UGT8: variants seen among roughly 807,000 people sequenced by gnomAD.
UGT8 encodes the protein 2-hydroxyacylsphingosine 1-beta-galactosyltransferase.
Under a neutral mutation model 40.5 loss-of-function variants are expected in UGT8, and 12 were observed. The observed-to-expected ratio is 0.30, with a 90% CI of 0.19 to 0.48. The LOEUF (loss-of-function observed/expected upper bound fraction) is 0.48. Ranked by LOEUF, UGT8 falls within the 20% of genes least tolerant of loss-of-function variation. The probability of loss-of-function intolerance (pLI) is 0.99; values close to 1 mark genes in which losing one functional copy is unlikely to be tolerated. For synonymous variants in UGT8, 224 were observed against 240.4 expected, an observed-to-expected ratio of 0.93 and a Z score of 0.63; for missense variants, 513 against 648.7, an observed-to-expected ratio of 0.79 and a Z score of 2.27.
At chr4:114,600,385 C>G (rs551966923) in intron 1 of UGT8, among the ~76,000 whole-genome samples, 16 of 152,244 alleles carry the variant, frequency 1.1e-4, no homozygotes, top group African/African-American at 3.6e-4. Context: ...AAATTGTTAT[C>G]ATTTCTGATA....
intron 1 of UGT8, among the ~76,000 whole-genome samples, chr4:114,615,988 T>C (rs1731399454): frequency 1.3e-5 from 2 of 152,166 alleles, no homozygotes; most frequent in South Asian, 4.1e-4. Flanking sequence ...TACCTGGCCA[T>C]GTGAGGTGTC....
At chr4:114,627,575 A>T (rs951624473) in intron 2 of UGT8, among the ~76,000 whole-genome samples, 2 of 152,124 alleles carry the variant, frequency 1.3e-5, no homozygotes, top group African/African-American at 4.8e-5. Context: ...TCCTTTAAAT[A>T]TTAAATGTGA....
Position 114,668,305 on chromosome 4 carries a change from G to A in UGT8, c.1262+1G>A. ...TAGTGAAGGTTATCAATAATCCCAG[G>A]TAAGGTTTCAATTAACATTAAAGCT... On this transcript the variant is annotated splice_donor_variant, in intron 5 of 5. Coordinates refer to ENST00000310836, the MANE Select transcript of UGT8 (RefSeq NM_001128174.3). LOFTEE classifies it high-confidence loss of function. 1 of 1,613,042 alleles carries A rather than the reference G, an allele frequency of 6.2e-7. No individual in the cohort carries two copies.
At position 114,625,449 on chromosome 4, in the gene UGT8, C is replaced by T. The variant is rs146674505; in HGVS notation, c.822+1747C>T. On this transcript the variant is annotated intron_variant, in intron 2 of 5. Transcript: ENST00000310836. ...TCACTTGAGTTCAGGAGGTCGAGGC[C>T]GCAGTGAGCTGAGATCACACCACTA... Among the ~76,000 whole-genome samples the T allele has an allele frequency of 7.0e-3, 1,023 of 145,654 alleles. 13 individuals carry two copies. The highest frequency in any genetic ancestry group is 0.022 in the African/African-American group (862 of 39,284).
intron 2 of UGT8, among the ~76,000 whole-genome samples, chr4:114,651,984 A>C (rs1733919206): frequency 6.6e-6 from 1 of 152,022 alleles, no homozygotes; most frequent in Admixed American, 6.6e-5. Flanking sequence ...AATTAAAGGA[A>C]TTTATAGTCT....
At chr4:114,624,685 C>T (rs1211755670) in intron 2 of UGT8, among the ~76,000 whole-genome samples, 1 of 152,138 alleles carries the variant, frequency 6.6e-6, no homozygotes. Context: ...AGGACAATCA[C>T]ATGGCTGAAT....
At chr4:114,608,461 G>A (rs1730859965) in intron 1 of UGT8, among the ~76,000 whole-genome samples, 2 of 151,994 alleles carry the variant, frequency 1.3e-5, no homozygotes, top group Admixed American at 6.6e-5. Flanking sequence ...TTTTCTATAC[G>A]TATTTTGATT....
chr4:114,661,063 G>C (rs1734502032), intron 2 of UGT8, among the ~76,000 whole-genome samples: 1 of 151,764 alleles, frequency 6.6e-6, no homozygotes, highest in Non-Finnish European at 1.5e-5. Flanking sequence ...TTGTCCTTTA[G>C]AAAAGTTTTC....
At chr4:114,621,453 C>A (rs1483183955) in intron 1 of UGT8, among the ~76,000 whole-genome samples, 2 of 152,112 alleles carry the variant, frequency 1.3e-5, no homozygotes, top group Non-Finnish European at 2.9e-5. Flanking sequence ...CATTTTTCCT[C>A]TGGAAAAAAG....
At chr4:114,645,368 T>C (rs1376706738) in intron 2 of UGT8, among the ~76,000 whole-genome samples, 1 of 152,162 alleles carries the variant, frequency 6.6e-6, no homozygotes, top group African/African-American at 2.4e-5. Flanking sequence ...GACAACCCCA[T>C]TTTCCTTATC....
intron 3 of UGT8, among the ~76,000 whole-genome samples, chr4:114,665,087 T>G (rs1292130771): frequency 6.6e-6 from 1 of 152,240 alleles, no homozygotes; most frequent in East Asian, 1.9e-4. Context: ...TTATGTCTAT[T>G]CCATTCAGAC....
chr4:114,632,975 A>T (rs1314480263), intron 2 of UGT8, among the ~76,000 whole-genome samples: 1 of 152,252 alleles, frequency 6.6e-6, no homozygotes, highest in Non-Finnish European at 1.5e-5. Context: ...CTTGGGGCTA[A>T]CTAAATTCCT....
At chr4:114,641,295 C>T (rs538665970) in intron 2 of UGT8, among the ~76,000 whole-genome samples, 6 of 152,168 alleles carry the variant, frequency 3.9e-5, no homozygotes, top group South Asian at 2.1e-4. Context: ...CCCTTTCATC[C>T]GTGGGAGAAA....
At chr4:114,675,817 A>G in intron 5 of UGT8, 108 bp from the exon 6 acceptor site, 1 of 1,348,780 alleles carries the variant, frequency 7.4e-7, no homozygotes, top group Non-Finnish European at 9.9e-7. Context: ...CAAGGTACTT[A>G]CTAAAGAATA....
At chr4:114,667,866 C>T (rs1036648351) in intron 4 of UGT8, 31 of 879,538 alleles carry the variant, frequency 3.5e-5, no homozygotes, top group African/African-American at 1.1e-4. Flanking sequence ...ATTTCAACTA[C>T]TTAAAAATGG....
rs145459702 is a variant in UGT8 at position 114,623,183 on chromosome 4, C to T, written c.303C>T (p.Ile101=). ...RNIFSGRLTA[I]ELFDILDHYT... ...TTTTCTCTGGGAGATTGACAGCAAT[C>T]GAACTGTTTGACATACTGGATCACT... The change falls in exon 2 of 6, where the codon ATC becomes ATT. Residue 101 remains isoleucine, a synonymous_variant. Coordinates refer to ENST00000310836, the MANE Select transcript of UGT8 (RefSeq NM_001128174.3). The T allele has an allele frequency of 1.9e-4, 313 of 1,613,968 alleles. No individual in the cohort carries two copies. Among genetic ancestry groups the T allele is most frequent in the African/African-American group, 2.3e-4 (17 of 74,888 alleles).
At chr4:114,660,898 A>G (rs1208461562) in intron 2 of UGT8, among the ~76,000 whole-genome samples, 1 of 151,890 alleles carries the variant, frequency 6.6e-6, no homozygotes, top group Non-Finnish European at 1.5e-5. Context: ...CTCAAAAAAA[A>G]AAAAAAAAAA....
intron 2 of UGT8, among the ~76,000 whole-genome samples, chr4:114,662,550 G>A (rs572879712): frequency 6.6e-6 from 1 of 152,188 alleles, no homozygotes; most frequent in Admixed American, 6.5e-5. Flanking sequence ...CCAGATAATG[G>A]TAGCCTATTT....
Position 114,628,133 on chromosome 4 carries a change from GT to G in UGT8, c.822+4441del, listed in dbSNP as rs890043260. On this transcript the variant is annotated intron_variant, in intron 2 of 5. Coordinates refer to ENST00000310836, the MANE Select transcript of UGT8 (RefSeq NM_001128174.3). ...CCAAAAATCCATGCTAAGTTGTTGA[GT>G]TTTTTTTTTAATTTTTATTTTTTGA... is the stretch of plus-strand genomic sequence containing the variant. Among the ~76,000 whole-genome samples the G allele has an allele frequency of 2.0e-3, 305 of 149,032 alleles. 1 individual carries two copies. Among genetic ancestry groups the G allele is most frequent in the African/African-American group, 7.0e-3 (285 of 40,650 alleles).
Sources: allele counts gnomAD v4.1 joint callset (sites outside exome capture counted in the v4.1 genomes callset), GRCh38; gene constraint gnomAD v4.1.1; transcripts MANE v1.5; gene names NCBI Gene and HGNC (gene_info 2026-07-23, HGNC 2026-07-21).